VAV2: variants seen among roughly 807,000 people sequenced by gnomAD.
The protein encoded by VAV2 is vav guanine nucleotide exchange factor 2.
In VAV2, 67 loss-of-function variants were observed where a neutral mutation model predicts 132.5. The ratio of observed to expected loss-of-function variants is 0.51; its 90% CI spans 0.42 to 0.62. The LOEUF (loss-of-function observed/expected upper bound fraction) is 0.62, where lower values mean the gene tolerates loss of function less well. VAV2 is among the 20% of genes least tolerant of loss of function. The pLI, the probability that VAV2 is intolerant of heterozygous loss-of-function variation, is 0.00. For missense variants in VAV2, 938 were observed against 1,153.6 expected (o/e 0.81, Z 2.71); for synonymous variants, 492 against 443.5 (o/e 1.11, Z -1.37).
chr9:133,949,877 C>T (rs1459364176), intron 1 of VAV2, among the ~76,000 whole-genome samples: 1 of 152,258 alleles, frequency 6.6e-6, no homozygotes, highest in African/African-American at 2.4e-5. Flanking sequence ...ACCCGGGCGT[C>T]TCCTGCTGTT....
At chr9:133,899,110 C>T (rs1328617240) in intron 2 of VAV2, among the ~76,000 whole-genome samples, 1 of 151,946 alleles carries the variant, frequency 6.6e-6, no homozygotes, top group African/African-American at 2.4e-5. Flanking sequence ...CGTGAGCCAC[C>T]GCGCCAGGCC....
chr9:133,774,751 C>A (rs1157020162), intron 25 of VAV2, among the ~76,000 whole-genome samples, 184 bp downstream of exon 25: 1 of 152,126 alleles, frequency 6.6e-6, no homozygotes, highest in African/African-American at 2.4e-5. Flanking sequence ...TCAGGCCCTG[C>A]CCAGCACACC....
At chr9:133,820,350 G>A (rs1323813824) in intron 4 of VAV2, among the ~76,000 whole-genome samples, 1 of 150,166 alleles carries the variant, frequency 6.7e-6, no homozygotes, top group Non-Finnish European at 1.5e-5. Context: ...TTTTGAGACG[G>A]AGTCTCGCTG....
rs2131612935 is a variant in VAV2, at chr9:133,788,761, C to A, written c.1275-275G>T. On this transcript the variant is annotated intron_variant, in intron 14 of 29. Coordinates refer to ENST00000371850, the MANE Select transcript of VAV2 (RefSeq NM_001134398.2). The surrounding 1 kb of genome is among the most constrained non-coding windows in gnomAD (Gnocchi z 5.3). ...CTCCTGCATCCCCCACGCTGGCCTCCCATGCAGCACTGACCCCCGACGGCT... is the reference window on the plus strand; with the variant it reads ...CTCCTGCATCCCCCACGCTGGCCTCACATGCAGCACTGACCCCCGACGGCT... Among the ~76,000 whole-genome samples, 1 of 152,238 alleles carries A rather than the reference C, an allele frequency of 6.6e-6. No homozygotes were observed. The highest frequency in any genetic ancestry group is 2.4e-5 in the African/African-American group (1 of 41,552).
intron 1 of VAV2, among the ~76,000 whole-genome samples, chr9:133,940,721 G>A (rs929177650): frequency 3.4e-5 from 5 of 146,224 alleles, no homozygotes; most frequent in Admixed American, 6.8e-5. Context: ...CTGAACACTC[G>A]AGATTAACTA....
chr9:133,907,742 A>G (rs910476812), intron 2 of VAV2, among the ~76,000 whole-genome samples: 3 of 152,232 alleles, frequency 2.0e-5, no homozygotes, highest in African/African-American at 7.2e-5. Flanking sequence ...TGCCAAGCCT[A>G]ATGAGTTTTG....
rs796278558 is a variant in VAV2 at position 133,803,382 on chromosome 9, G to A, written c.836+2699C>T. 6.2e-4 allele frequency among the ~76,000 whole-genome samples: 61 copies of A among 99,158 alleles called. 1 individual carries two copies. The highest frequency in any genetic ancestry group is 2.3e-3 in the African/African-American group (58 of 24,814). 65.1% of individuals were successfully genotyped at this position (99,158 alleles called of 152,430 possible). On this transcript the variant is annotated intron_variant, in intron 9 of 29. Coordinates refer to ENST00000371850, the MANE Select transcript of VAV2 (RefSeq NM_001134398.2). ...CTAGCTCTCCTGCCCCCACGTCCCC[G>A]TATGCCCCCACTCCCCGCAGCATGA...
intron 2 of VAV2, among the ~76,000 whole-genome samples, chr9:133,889,707 C>T (rs72762878): frequency 0.073 from 11,070 of 152,194 alleles, 485 homozygotes; most frequent in South Asian, 0.1. Context: ...CTCCCCAGGG[C>T]ACCCAACGAG....
At chr9:133,880,823 G>C (rs1013851056) in intron 2 of VAV2, among the ~76,000 whole-genome samples, 10 of 152,244 alleles carry the variant, frequency 6.6e-5, no homozygotes, top group African/African-American at 2.4e-4. Flanking sequence ...TCTAGGTAAA[G>C]CAGGGGCTGC....
chr9:133,905,574 G>C (rs899781165), intron 2 of VAV2, among the ~76,000 whole-genome samples: 3 of 152,146 alleles, frequency 2.0e-5, no homozygotes, highest in African/African-American at 7.2e-5. Context: ...CCTGCCGACT[G>C]CCATTGCCCT....
intron 1 of VAV2, among the ~76,000 whole-genome samples, chr9:133,962,626 C>T (rs970600442): frequency 1.3e-5 from 2 of 152,188 alleles, no homozygotes; most frequent in Non-Finnish European, 2.9e-5. Context: ...CCCCGCCCCA[C>T]CCCCCACAAA....
chr9:133,967,337 A>C (rs1564510771), intron 1 of VAV2, among the ~76,000 whole-genome samples: 1 of 152,202 alleles, frequency 6.6e-6, no homozygotes, highest in Non-Finnish European at 1.5e-5. Flanking sequence ...CCACTATAGG[A>C]AACAGTACAG....
At chr9:133,843,214 A>G (rs1160977236) in intron 3 of VAV2, among the ~76,000 whole-genome samples, 2 of 152,102 alleles carry the variant, frequency 1.3e-5, no homozygotes, top group African/African-American at 4.8e-5. Context: ...AAGGCAGCAC[A>G]GGGCCGAGGG....
At chr9:133,773,944 G>A (rs1000896677) in intron 25 of VAV2, among the ~76,000 whole-genome samples, 4 of 152,152 alleles carry the variant, frequency 2.6e-5, no homozygotes, top group Non-Finnish European at 4.4e-5. Flanking sequence ...AATGGGCTGC[G>A]CTATGATGTC....
Position 133,919,015 on chromosome 9 carries a change from C to T in VAV2, c.321+20088G>A, listed in dbSNP as rs536721493. Among the ~76,000 whole-genome samples the T allele has an allele frequency of 6.6e-6, 1 of 152,200 alleles. No homozygotes were observed. Among genetic ancestry groups the T allele is most frequent in the African/African-American group, 2.4e-5 (1 of 41,522 alleles). On this transcript the variant is annotated intron_variant, in intron 2 of 29. Coordinates refer to ENST00000371850, the MANE Select transcript of VAV2 (RefSeq NM_001134398.2). The surrounding 1 kb of genome is among the most constrained non-coding windows in gnomAD (Gnocchi z 5.8). ...GTCTCGAACTCCTGACCTTGTGATCCTCCCACCTCGGCCTCCCAAAGTGCT... is the reference window on the plus strand; with the variant it reads ...GTCTCGAACTCCTGACCTTGTGATCTTCCCACCTCGGCCTCCCAAAGTGCT...
intron 9 of VAV2, among the ~76,000 whole-genome samples, chr9:133,799,101 C>T (rs767550668): frequency 2.0e-5 from 3 of 152,226 alleles, no homozygotes; most frequent in East Asian, 1.9e-4. Flanking sequence ...CGGGGAGAAG[C>T]GTCCTGATGG....
intron 3 of VAV2, among the ~76,000 whole-genome samples, chr9:133,835,116 T>C (rs1836417336): frequency 6.6e-6 from 1 of 152,222 alleles, no homozygotes; most frequent in Non-Finnish European, 1.5e-5. Context: ...AGTCTCATTT[T>C]TGTGGAACTG....
intron 3 of VAV2, among the ~76,000 whole-genome samples, chr9:133,853,484 T>C (rs1837266627): frequency 1.3e-5 from 2 of 152,102 alleles, no homozygotes. Context: ...CTCTGCACCA[T>C]GAGTCCCACC....
chr9:133,809,343 C>T (rs1419306140), intron 6 of VAV2, among the ~76,000 whole-genome samples: 3 of 152,132 alleles, frequency 2.0e-5, no homozygotes, highest in Non-Finnish European at 4.4e-5. Flanking sequence ...AAGAAACTGA[C>T]GCACGGGGAG....
Sources: allele counts gnomAD v4.1 joint callset (sites outside exome capture counted in the v4.1 genomes callset), GRCh38; gene constraint gnomAD v4.1.1; non-coding constraint Gnocchi (gnomAD v3.1); transcripts MANE v1.5; gene names NCBI Gene and HGNC (gene_info 2026-07-23, HGNC 2026-07-21).